The following TMCO6 variants were observed in gnomAD, a reference collection of about 807,000 sequenced individuals.
The protein encoded by TMCO6 is transmembrane and coiled-coil domains 6, also known as transmembrane and coiled-coil domain-containing protein 6.
TMCO6 carries 47 observed loss-of-function variants against 61.8 expected under a neutral mutation model. That is an observed-to-expected ratio of 0.76 (90% confidence interval 0.60 to 0.97). The LOEUF is 0.97. Ranked by LOEUF, TMCO6 falls within the 50% of genes least tolerant of loss-of-function variation. The probability of loss-of-function intolerance (pLI) is 0.00; values close to 1 mark genes in which losing one functional copy is unlikely to be tolerated. For synonymous variants in TMCO6, 261 were observed against 254.2 expected (o/e 1.03, Z -0.25); for missense variants, 557 against 601.6 (o/e 0.93, Z 0.78).
Position 140,642,899 on chromosome 5 carries a change from AC to A in TMCO6, c.690-25del, listed in dbSNP as rs765147107. 3.5e-5 allele frequency: 57 copies of A among 1,613,956 alleles called. No individual in the cohort carries two copies. In the African/African-American group the frequency reaches 6.9e-4, roughly 20 times the overall value. ...AACCACTGGCATCTTCGTGGTTCCT[AC>A]TTACAGCCCTGCTTCTGCCAGCAGC... On this transcript the variant is annotated intron_variant, in intron 6 of 11. Coordinates refer to ENST00000394671, the MANE Select transcript of TMCO6 (RefSeq NM_018502.5).
the TMCO6 span, among the ~76,000 whole-genome samples, chr5:140,619,820 T>C: frequency 6.6e-6 from 1 of 152,188 alleles, no homozygotes; most frequent in Non-Finnish European, 1.5e-5. Context: ...ATCAGGAAAA[T>C]GCAAATGAAA....
chr5:140,602,360 C>T, the TMCO6 span, among the ~76,000 whole-genome samples: 1 of 152,218 alleles, frequency 6.6e-6, no homozygotes, highest in Non-Finnish European at 1.5e-5. Context: ...CAACACCGCC[C>T]TACACATCCC....
At position 140,645,343 on chromosome 5, in the gene TMCO6, A is replaced by G. The variant is rs990176305; in HGVS notation, c.*245A>G. 6.7e-6 allele frequency: 5 copies of G among 742,300 alleles called. No individual in the cohort carries two copies. Among genetic ancestry groups the G allele is most frequent in the African/African-American group, 5.2e-5 (3 of 57,522 alleles). 46.0% of individuals were successfully genotyped at this position (742,300 alleles called of 1,614,324 possible). On this transcript the variant is annotated 3_prime_UTR_variant, in exon 12 of 12. Transcript: ENST00000394671. ...AATCCCTGCCCCCCCGCCACCCTTC[A>G]TGTTTGCTTCAGCAGCTGGTAGCTT... is the stretch of plus-strand genomic sequence containing the variant.
At chr5:140,615,713 C>T in the TMCO6 span, among the ~76,000 whole-genome samples, 13 of 152,152 alleles carry the variant, frequency 8.5e-5, no homozygotes, top group Admixed American at 2.0e-4. Flanking sequence ...TTTCATACTA[C>T]GGCACTGGGG....
the TMCO6 span, among the ~76,000 whole-genome samples, chr5:140,613,311 C>T: frequency 6.7e-6 from 1 of 148,556 alleles, no homozygotes; most frequent in Non-Finnish European, 1.5e-5. Flanking sequence ...ATCGTTTGAA[C>T]CTGAGAGGCA....
upstream of TMCO6, chr5:140,639,288 G>A: frequency 1.9e-6 from 1 of 515,732 alleles, no homozygotes; most frequent in Non-Finnish European, 3.5e-6. Context: ...ATCAATCAGA[G>A]GCAGAGCGAC....
At chr5:140,646,577 C>T (rs1378078041), downstream of TMCO6, among the ~76,000 whole-genome samples, 4 of 152,146 alleles carry the variant, frequency 2.6e-5, no homozygotes, top group Admixed American at 2.6e-4. Flanking sequence ...TGATTAAAAT[C>T]CTGTTATTCA....
chr5:140,607,746 T>C, the TMCO6 span, among the ~76,000 whole-genome samples: 1 of 152,016 alleles, frequency 6.6e-6, no homozygotes, highest in Non-Finnish European at 1.5e-5. Flanking sequence ...ATTAGTGCTA[T>C]ACTAGTGAGT....
At chr5:140,609,354 TG>T in the TMCO6 span, 1 of 258,616 alleles carries the variant, frequency 3.9e-6, no homozygotes, top group South Asian at 4.2e-5. Context: ...CAGGAGGAGC[TG>T]AGCAACATCC....
chr5:140,642,039 AGCTC>A lies in TMCO6; in HGVS notation c.485_488del (p.Ser162LysfsTer4). ...CCTCCTCACCTACCTCTCCAGTCAC[AGCTC>A]AGACTTCATAGTAAGCCCTGTCCCT... On this transcript the variant is annotated frameshift_variant, in exon 4 of 12. Coordinates refer to ENST00000394671, the MANE Select transcript of TMCO6 (RefSeq NM_018502.5). LOFTEE classifies it high-confidence loss of function. 5 of 1,608,252 alleles carry A rather than the reference AGCTC, an allele frequency of 3.1e-6. No homozygotes were observed. Among genetic ancestry groups the A allele is most frequent in the Non-Finnish European group, 4.3e-6 (5 of 1,175,144 alleles).
At chr5:140,647,271 G>A, downstream of TMCO6, 2 of 1,558,038 alleles carry the variant, frequency 1.3e-6, no homozygotes, top group Non-Finnish European at 1.7e-6. Context: ...CGGGCCCAGA[G>A]CTTGGGCTGC....
chr5:140,609,647 C>CAA, the TMCO6 span, among the ~76,000 whole-genome samples: 2 of 142,088 alleles, frequency 1.4e-5, no homozygotes, highest in Non-Finnish European at 1.5e-5. Context: ...TCATACACAC[C>CAA]AAAAAAAAAA....
chr5:140,632,192 G>T, the TMCO6 span: 1 of 1,613,696 alleles, frequency 6.2e-7, no homozygotes. The surrounding 1 kb of genome is among the most constrained non-coding windows in gnomAD (Gnocchi z 6.2). Flanking sequence ...TAGGGTTTAC[G>T]GTGGCGCGCA....
the TMCO6 span, among the ~76,000 whole-genome samples, chr5:140,617,136 A>T: frequency 1.2e-4 from 18 of 152,244 alleles, no homozygotes; most frequent in African/African-American, 4.3e-4. Context: ...AAAGATACTC[A>T]AGGTCTTGGC....
At chr5:140,612,658 C>A in the TMCO6 span, among the ~76,000 whole-genome samples, 1 of 152,128 alleles carries the variant, frequency 6.6e-6, no homozygotes, top group African/African-American at 2.4e-5. Context: ...AATCTTAGGG[C>A]CTCTCTGAGG....
the TMCO6 span, among the ~76,000 whole-genome samples, chr5:140,599,137 G>T: frequency 1.4e-4 from 22 of 152,288 alleles, 1 homozygote; most frequent in Admixed American, 2.6e-4. Context: ...TTGGCATTTT[G>T]TGCTTCAAAG....
chr5:140,616,404 T>A, the TMCO6 span, among the ~76,000 whole-genome samples: 20 of 151,372 alleles, frequency 1.3e-4, no homozygotes, highest in Non-Finnish European at 2.2e-4. Flanking sequence ...ACAAAAAAAA[T>A]TTTAAAAATT....
chr5:140,630,653 T>C, the TMCO6 span, among the ~76,000 whole-genome samples: 1 of 152,372 alleles, frequency 6.6e-6, no homozygotes, highest in African/African-American at 2.4e-5. Flanking sequence ...AATTCTCTGA[T>C]ACTAGAAATC....
chr5:140,632,932 A>C, the TMCO6 span: 3 of 1,614,036 alleles, frequency 1.9e-6, no homozygotes, highest in African/African-American at 1.3e-5. This position sits in a 1 kb window ranked among gnomAD's most constrained non-coding sequence, Gnocchi z 6.2. Flanking sequence ...GTGGTCGCAG[A>C]GACGTGCACC....
Sources: gnomAD v4.1 joint callset for allele counts (sites outside exome capture counted in the v4.1 genomes callset) on GRCh38, gnomAD v4.1.1 for gene constraint, Gnocchi (gnomAD v3.1) non-coding constraint, MANE v1.5 for transcripts, NCBI Gene and HGNC (gene_info 2026-07-23, HGNC 2026-07-21) for gene names.